The following PLCB1 variants were observed in gnomAD, a reference collection of about 807,000 sequenced individuals.
The protein encoded by PLCB1 is 1-phosphatidylinositol 4,5-bisphosphate phosphodiesterase beta-1.
Under a neutral mutation model 161.8 loss-of-function variants are expected in PLCB1, and 46 were observed. The ratio of observed to expected loss-of-function variants is 0.28; its 90% CI spans 0.22 to 0.36. The LOEUF is 0.36. Ranked by LOEUF, PLCB1 falls within the 10% of genes least tolerant of loss-of-function variation. The pLI is 1.00. For synonymous variants in PLCB1, 517 were observed against 503.7 expected (o/e 1.03, Z -0.35); for missense variants, 1,016 against 1,472.5 (o/e 0.69, Z 5.07).
chr20:8,242,891 A>G (rs775584191), intron 2 of PLCB1, among the ~76,000 whole-genome samples: 33 of 151,980 alleles, frequency 2.2e-4, no homozygotes, highest in Non-Finnish European at 3.5e-4. Flanking sequence ...AATAATGGCC[A>G]TAAGGCTACA....
At chr20:8,405,920 C>T (rs758723782) in intron 3 of PLCB1, among the ~76,000 whole-genome samples, 22 of 152,120 alleles carry the variant, frequency 1.4e-4, no homozygotes, top group Non-Finnish European at 2.2e-4. Context: ...CAAATCTGTG[C>T]TCAGTGACAC....
chr20:8,760,090 GA>G (rs1256186159), intron 24 of PLCB1, among the ~76,000 whole-genome samples: 1 of 151,768 alleles, frequency 6.6e-6, no homozygotes, highest in Non-Finnish European at 1.5e-5. Context: ...ATTTTTAGTA[GA>G]GACAGGGTTT....
At chr20:8,677,313 G>A (rs143335800) in intron 9 of PLCB1, among the ~76,000 whole-genome samples, 467 of 152,192 alleles carry the variant, frequency 3.1e-3, no homozygotes, top group Non-Finnish European at 5.4e-3. Flanking sequence ...CAGGAGGATC[G>A]CTTGATCACC....
chr20:8,626,542 A>G (rs1480707320), intron 3 of PLCB1, among the ~76,000 whole-genome samples: 3 of 152,212 alleles, frequency 2.0e-5, no homozygotes, highest in African/African-American at 7.2e-5. Context: ...TTGGGGGAGA[A>G]AAAAGCCGGA....
At chr20:8,290,781 A>G (rs1052535815) in intron 2 of PLCB1, among the ~76,000 whole-genome samples, 1 of 152,172 alleles carries the variant, frequency 6.6e-6, no homozygotes, top group Admixed American at 6.5e-5. Context: ...CCTTGTGTAG[A>G]GCCCATAATC....
chr20:8,173,670 G>A (rs2051754633), intron 2 of PLCB1, among the ~76,000 whole-genome samples: 1 of 152,126 alleles, frequency 6.6e-6, no homozygotes, highest in Non-Finnish European at 1.5e-5. Flanking sequence ...ACCTCAAGAT[G>A]GATCAGATTT....
chr20:8,362,300 C>T (rs1045373845), intron 2 of PLCB1, among the ~76,000 whole-genome samples: 3 of 152,080 alleles, frequency 2.0e-5, no homozygotes, highest in South Asian at 2.1e-4. Flanking sequence ...GTTGACATCT[C>T]GTTAAAATGA....
chr20:8,459,326 A>C (rs1568684485), intron 3 of PLCB1, among the ~76,000 whole-genome samples: 1 of 152,202 alleles, frequency 6.6e-6, no homozygotes, highest in Non-Finnish European at 1.5e-5. Context: ...GGATTAATAT[A>C]GATCCTGGCG....
chr20:8,738,591 A>G (rs954337131), intron 20 of PLCB1, among the ~76,000 whole-genome samples: 1 of 152,234 alleles, frequency 6.6e-6, no homozygotes, highest in African/African-American at 2.4e-5. Flanking sequence ...AAAAGAAAAC[A>G]TAAATGAAAT....
intron 2 of PLCB1, among the ~76,000 whole-genome samples, chr20:8,156,444 AT>A (rs2051564100): frequency 6.6e-6 from 1 of 152,228 alleles, no homozygotes; most frequent in African/African-American, 2.4e-5. Context: ...TTTTACTAGA[AT>A]CCTTATCTAG....
At chr20:8,857,210 A>G (rs1224546080) in intron 31 of PLCB1, among the ~76,000 whole-genome samples, 2 of 152,218 alleles carry the variant, frequency 1.3e-5, no homozygotes, top group African/African-American at 4.8e-5. Context: ...ACAACTCAGC[A>G]CTGCAACAGT....
intron 2 of PLCB1, among the ~76,000 whole-genome samples, chr20:8,256,082 C>T (rs1327015522): frequency 1.3e-5 from 2 of 152,064 alleles, no homozygotes; most frequent in Non-Finnish European, 2.9e-5. Flanking sequence ...TGTGTAAATA[C>T]ACTCTGCGAT....
At chr20:8,420,455 C>T (rs1001933670) in intron 3 of PLCB1, among the ~76,000 whole-genome samples, 1 of 152,118 alleles carries the variant, frequency 6.6e-6, no homozygotes, top group Non-Finnish European at 1.5e-5. Flanking sequence ...ATGATGGTGA[C>T]GTTTAGGTTT....
intron 2 of PLCB1, among the ~76,000 whole-genome samples, chr20:8,169,267 G>A (rs2051707891): frequency 6.6e-6 from 1 of 152,118 alleles, no homozygotes; most frequent in African/African-American, 2.4e-5. Context: ...AGGATACCCT[G>A]TATCAGATTA....
chr20:8,655,954 A>G (rs182688793), intron 7 of PLCB1, among the ~76,000 whole-genome samples: 1 of 151,950 alleles, frequency 6.6e-6, no homozygotes, highest in Non-Finnish European at 1.5e-5. Context: ...CTCTTTCTAT[A>G]AATCAAGAGG....
chr20:8,570,070 G>A (rs994845589), intron 3 of PLCB1, among the ~76,000 whole-genome samples: 1 of 152,154 alleles, frequency 6.6e-6, no homozygotes, highest in Non-Finnish European at 1.5e-5. Context: ...GCCAAAGCAG[G>A]CTGTCCTCTT....
In PLCB1 at chr20:8,711,078, A is replaced by AT. The variant is rs565270037; in HGVS notation, c.1250+2330dup. On this transcript the variant is annotated intron_variant, in intron 12 of 31. Transcript: ENST00000338037. ...AAGAGTAAATATTATGATTATCGCC[A>AT]TTTTACAGATGATGGAACTGAGTCC... Among the ~76,000 whole-genome samples, 19 of 152,266 alleles carry AT rather than the reference A, an allele frequency of 1.2e-4. No individual in the cohort carries two copies. In the South Asian group the frequency reaches 3.9e-3, roughly 32 times the overall value.
intron 3 of PLCB1, among the ~76,000 whole-genome samples, chr20:8,489,388 A>G (rs769367062): frequency 6.6e-6 from 1 of 152,198 alleles, no homozygotes; most frequent in South Asian, 2.1e-4. Context: ...TGAGTATTGC[A>G]TAACTAAAAT....
chr20:8,432,290 C>G (rs545358260), intron 3 of PLCB1, among the ~76,000 whole-genome samples: 7 of 152,280 alleles, frequency 4.6e-5, no homozygotes, highest in Non-Finnish European at 7.4e-5. Context: ...CCAGGCTTCC[C>G]CCGCTGCAAA....
Sources: allele counts gnomAD v4.1 joint callset (sites outside exome capture counted in the v4.1 genomes callset), GRCh38; gene constraint gnomAD v4.1.1; transcripts MANE v1.5; gene names NCBI Gene and HGNC (gene_info 2026-07-23, HGNC 2026-07-21).